PRKG2: variants seen among roughly 807,000 people sequenced by gnomAD.
PRKG2 encodes protein kinase cGMP-dependent 2.
A neutral mutation model predicts 97.2 loss-of-function variants in PRKG2; 33 were observed. The observed-to-expected ratio is 0.34, with a 90% CI of 0.26 to 0.45. The LOEUF (loss-of-function observed/expected upper bound fraction) is 0.45. Ranked by LOEUF, PRKG2 falls within the 20% of genes least tolerant of loss-of-function variation. PRKG2 has a pLI of 1.00. For synonymous variants in PRKG2, 330 were observed against 321.8 expected, an observed-to-expected ratio of 1.03 and a Z score of -0.27; for missense variants, 638 against 900.0, an observed-to-expected ratio of 0.71 and a Z score of 3.73.
intron 6 of PRKG2, among the ~76,000 whole-genome samples, chr4:81,154,528 G>A (rs1748804888): frequency 1.4e-5 from 2 of 142,016 alleles, no homozygotes; most frequent in South Asian, 2.2e-4. Flanking sequence ...TCACACGGCA[G>A]GGTACTCCAA....
At position 81,110,769 on chromosome 4, in the gene PRKG2, AGACAGACG is replaced by A. The variant is rs201366719; in HGVS notation, c.1777-166_1777-159del. ...CACACAAAGAGAGAGAGAGAGAGAC[AGACAGACG>A]GACAGACAGACAAAGAGACAGAGAG... On this transcript the variant is annotated intron_variant, in intron 14 of 18. Coordinates refer to ENST00000264399, the MANE Select transcript of PRKG2 (RefSeq NM_006259.3). Among the ~76,000 whole-genome samples the A allele has an allele frequency of 0.033, 4,812 of 147,044 alleles. 415 individuals carry two copies. In the East Asian group the frequency reaches 0.33, roughly 10 times the overall value.
At position 81,089,642 on chromosome 4, in the gene PRKG2, G is replaced by T; in HGVS notation, c.*66C>A. The T allele has an allele frequency of 8.5e-7, 1 of 1,174,746 alleles. No individual in the cohort carries two copies. The highest frequency in any genetic ancestry group is 1.2e-6 in the Non-Finnish European group (1 of 804,814). 72.8% of individuals were successfully genotyped at this position (1,174,746 alleles called of 1,614,324 possible). A position where few individuals can be genotyped will look rare whatever the true frequency, so the allele number is the denominator to read the frequency against. On this transcript the variant is annotated 3_prime_UTR_variant, in exon 19 of 19. Coordinates refer to ENST00000264399, the MANE Select transcript of PRKG2 (RefSeq NM_006259.3). Reference sequence around the variant, plus strand: ...TATAATACTCTGAAAAGAAAATAATGTGTTGGATTATTGATCCTTGAGGTC... The same window carrying T: ...TATAATACTCTGAAAAGAAAATAATTTGTTGGATTATTGATCCTTGAGGTC...
intron 14 of PRKG2, among the ~76,000 whole-genome samples, chr4:81,127,606 G>A (rs978755695): frequency 2.6e-5 from 4 of 152,100 alleles, no homozygotes; most frequent in African/African-American, 9.7e-5. Context: ...ATTGTGAAAA[G>A]GAGTTCACTC....
rs75166323 is a variant in PRKG2 at position 81,136,265 on chromosome 4, C to T, written c.1635-969G>A. ...TCTTTCCTTGCCTAAGTCAGTGATT[C>T]TGAACCATAAATGCACATTAAAATT... On this transcript the variant is annotated intron_variant, in intron 13 of 18. Coordinates refer to ENST00000264399, the MANE Select transcript of PRKG2 (RefSeq NM_006259.3). 3.9e-3 allele frequency among the ~76,000 whole-genome samples: 601 copies of T among 152,286 alleles called. 9 individuals carry two copies. Among genetic ancestry groups the T allele is most frequent in the African/African-American group, 0.014 (585 of 41,572 alleles).
At chr4:81,138,558 A>C (rs1746946805) in intron 12 of PRKG2, among the ~76,000 whole-genome samples, 1 of 151,954 alleles carries the variant, frequency 6.6e-6, no homozygotes. Flanking sequence ...TATATTATTG[A>C]TATATATTCA....
At position 81,144,306 on chromosome 4, in the gene PRKG2, T is replaced by C. The variant is rs778705589; in HGVS notation, c.1179A>G (p.Thr393=). The change falls in exon 10 of 19, where the codon ACA becomes ACG. Residue 393 remains threonine, a synonymous_variant. Coordinates refer to ENST00000264399, the MANE Select transcript of PRKG2 (RefSeq NM_006259.3). The stretch of plus-strand genomic sequence containing the variant: ...CAAGGTATTTTTGCAGCTCTTCAAA[T>C]GTACCGACAGTTTGGTTGAATGTTC... The part of the protein sequence containing the change: ...DRETFNQTVG[T]FEELQKYLEG... The C allele has an allele frequency of 3.1e-6, 5 of 1,611,388 alleles. No individual in the cohort carries two copies. Among genetic ancestry groups the C allele is most frequent in the Non-Finnish European group, 4.2e-6 (5 of 1,177,828 alleles).
intron 6 of PRKG2, among the ~76,000 whole-genome samples, chr4:81,154,408 C>T (rs564130776): frequency 4.1e-4 from 62 of 151,814 alleles, no homozygotes; most frequent in Admixed American, 9.8e-4. Context: ...TCTCCCAGCA[C>T]GCAGCTGGAG....
chr4:81,098,468 G>A (rs1023308532), intron 17 of PRKG2, among the ~76,000 whole-genome samples: 16 of 152,152 alleles, frequency 1.1e-4, no homozygotes, highest in African/African-American at 3.9e-4. Flanking sequence ...AATTGGCACA[G>A]GAGGCCTAGC....
chr4:81,205,177 G>A, intron 1 of PRKG2, 117 bp from the exon 2 acceptor site: 10 of 624,716 alleles, frequency 1.6e-5, no homozygotes, highest in South Asian at 3.1e-5. Context: ...TTCATTGTTT[G>A]AAAAGCAATA....
At chr4:81,166,430 C>G (rs1051951581) in intron 6 of PRKG2, among the ~76,000 whole-genome samples, 2 of 151,840 alleles carry the variant, frequency 1.3e-5, no homozygotes, top group South Asian at 2.1e-4. Context: ...TGAAATTGAC[C>G]CCCCAAAAAG....
At chr4:81,200,709 G>T (rs906905836) in intron 2 of PRKG2, among the ~76,000 whole-genome samples, 3 of 152,098 alleles carry the variant, frequency 2.0e-5, no homozygotes, top group Admixed American at 6.6e-5. Flanking sequence ...AGTAAGGGGG[G>T]TAGCATCAAA....
intron 14 of PRKG2, among the ~76,000 whole-genome samples, chr4:81,111,279 C>A (rs941790259): frequency 7.9e-5 from 12 of 152,110 alleles, no homozygotes; most frequent in Admixed American, 6.6e-4. Context: ...TCTACGTTAA[C>A]TTACTTATTC....
chr4:81,211,002 T>TG (rs954989990), intron 1 of PRKG2, among the ~76,000 whole-genome samples: 2 of 152,072 alleles, frequency 1.3e-5, no homozygotes, highest in Non-Finnish European at 2.9e-5. Context: ...AGACAAAACT[T>TG]GGAGACCATA....
chr4:81,106,523 C>G (rs1481721510), intron 15 of PRKG2, among the ~76,000 whole-genome samples: 1 of 152,142 alleles, frequency 6.6e-6, no homozygotes, highest in Non-Finnish European at 1.5e-5. Context: ...TAAATTAGAG[C>G]AGCCAGAGTA....
chr4:81,113,873 C>A (rs1744228753), intron 14 of PRKG2, among the ~76,000 whole-genome samples: 1 of 152,168 alleles, frequency 6.6e-6, no homozygotes. Context: ...CTTTCTGCTA[C>A]TAACGTCCAT....
intron 14 of PRKG2, among the ~76,000 whole-genome samples, chr4:81,119,906 C>T (rs1744916388): frequency 3.9e-5 from 6 of 152,012 alleles, no homozygotes; most frequent in Admixed American, 3.9e-4. Flanking sequence ...GATCTCCTGA[C>T]CTTGTGATCC....
At chr4:81,180,386 T>C (rs922948104) in intron 2 of PRKG2, among the ~76,000 whole-genome samples, 43 of 152,078 alleles carry the variant, frequency 2.8e-4, no homozygotes, top group Non-Finnish European at 5.1e-4. Context: ...AAGTGTATAT[T>C]GCTAATAAGA....
rs1422251937 is a variant in PRKG2 at position 81,204,704 on chromosome 4, A to G, written c.344T>C (p.Leu115Pro). The G allele has an allele frequency of 6.2e-7, 1 of 1,614,038 alleles. No individual in the cohort carries two copies. The highest frequency in any genetic ancestry group is 1.3e-5 in the African/African-American group (1 of 74,918). Residue 115 changes from leucine (L) to proline (P), a missense_variant, in exon 2 of 19, where the codon CTC becomes CCC. Physicochemically the swap from Leu to Pro is moderately conservative, Grantham distance 98. This residue lies in a region of PRKG2 where 332 missense variants were observed against 421.7 expected (regional missense o/e 0.79). Coordinates refer to ENST00000264399, the MANE Select transcript of PRKG2 (RefSeq NM_006259.3). ...VHRKTSGLVS[L>P]HSRRGAKAGV... ...AGCCTTTGCTCCCCTCCTGCTATGGAGAGAGACCAATCCAGAGGTCTTCCG... is the reference window on the plus strand; with the variant it reads ...AGCCTTTGCTCCCCTCCTGCTATGGGGAGAGACCAATCCAGAGGTCTTCCG...
At chr4:81,090,024 A>T (rs929530507) in intron 18 of PRKG2, among the ~76,000 whole-genome samples, 2 of 152,166 alleles carry the variant, frequency 1.3e-5, no homozygotes, top group Non-Finnish European at 2.9e-5. Context: ...GATAACATTC[A>T]ATAGTAACTA....
Sources: gnomAD v4.1 joint callset for allele counts (sites outside exome capture counted in the v4.1 genomes callset) on GRCh38, gnomAD v4.1.1 for gene constraint, gnomAD v4.1.1 regional missense constraint, MANE v1.5 for transcripts, NCBI Gene and HGNC (gene_info 2026-07-23, HGNC 2026-07-21) for gene names.